CALN1: variants seen among roughly 807,000 people sequenced by gnomAD.
CALN1 encodes the protein calcium-binding protein 8.
In CALN1, 17 loss-of-function variants were observed where a neutral mutation model predicts 30.6. The ratio of observed to expected loss-of-function variants is 0.56; its 90% confidence interval spans 0.38 to 0.83. The LOEUF is 0.83. Among genes scored for constraint, CALN1 ranks in the 40% least tolerant of loss-of-function variants. The pLI is 0.00. For missense variants in CALN1, 291 were observed against 354.9 expected, an observed-to-expected ratio of 0.82 and a Z score of 1.45; for synonymous variants, 156 against 131.4, an observed-to-expected ratio of 1.19 and a Z score of -1.28.
At chr7:71,881,529 G>A (rs1408614751) in intron 5 of CALN1, among the ~76,000 whole-genome samples, 1 of 152,022 alleles carries the variant, frequency 6.6e-6, no homozygotes, top group Non-Finnish European at 1.5e-5. Context: ...CCCTCTTTGG[G>A]TTATCTTCTA....
chr7:72,024,849 C>T (rs959678225), intron 4 of CALN1, among the ~76,000 whole-genome samples: 1 of 152,190 alleles, frequency 6.6e-6, no homozygotes, highest in African/African-American at 2.4e-5. Flanking sequence ...TCCCTCTGTC[C>T]GGGATGCCTT....
At chr7:72,330,282 G>C (rs1218763795) in intron 2 of CALN1, among the ~76,000 whole-genome samples, 2 of 151,984 alleles carry the variant, frequency 1.3e-5, no homozygotes, top group African/African-American at 4.8e-5. Flanking sequence ...GACACAGTGA[G>C]ACTCCATCTC....
intron 2 of CALN1, among the ~76,000 whole-genome samples, chr7:72,322,125 A>G (rs935340336): frequency 6.6e-6 from 1 of 152,136 alleles, no homozygotes; most frequent in Non-Finnish European, 1.5e-5. Flanking sequence ...ATGTAGAATC[A>G]GTGGGAGCCC....
At chr7:72,363,057 G>T (rs1261802458) in intron 2 of CALN1, among the ~76,000 whole-genome samples, 1 of 152,100 alleles carries the variant, frequency 6.6e-6, no homozygotes, top group Admixed American at 6.6e-5. Flanking sequence ...AGTTCAGGGG[G>T]TACATGTGAA....
chr7:72,152,246 T>C (rs569213182), intron 3 of CALN1, among the ~76,000 whole-genome samples: 5 of 152,240 alleles, frequency 3.3e-5, no homozygotes, highest in South Asian at 2.1e-4. Flanking sequence ...AGAGATTTCA[T>C]AGGTCTCTGC....
At chr7:72,069,771 A>C (rs1804264919) in intron 4 of CALN1, among the ~76,000 whole-genome samples, 1 of 152,190 alleles carries the variant, frequency 6.6e-6, no homozygotes, top group African/African-American at 2.4e-5. Context: ...GCCATTTTTC[A>C]GCCTACCATA....
chr7:72,078,677 A>G (rs1185545460), intron 4 of CALN1, among the ~76,000 whole-genome samples: 2 of 152,118 alleles, frequency 1.3e-5, no homozygotes, highest in African/African-American at 4.8e-5. Flanking sequence ...TTGTGCCTGT[A>G]ATCTCTGCAC....
chr7:72,238,823 T>C (rs1315512041), intron 3 of CALN1, among the ~76,000 whole-genome samples: 1 of 152,202 alleles, frequency 6.6e-6, no homozygotes, highest in African/African-American at 2.4e-5. Flanking sequence ...CTCTTTCCTT[T>C]GTAAATTACC....
chr7:71,957,728 A>C (rs1797032343), intron 5 of CALN1, among the ~76,000 whole-genome samples: 1 of 152,086 alleles, frequency 6.6e-6, no homozygotes, highest in Non-Finnish European at 1.5e-5. Flanking sequence ...TTAAGACTGA[A>C]AAATTTAGGC....
intron 5 of CALN1, among the ~76,000 whole-genome samples, chr7:71,817,810 G>A (rs1429500212): frequency 2.6e-5 from 4 of 152,020 alleles, no homozygotes; most frequent in South Asian, 4.2e-4. Context: ...CACTGCACCC[G>A]GCCATATTTA....
chr7:72,233,260 C>T (rs1356045750), intron 3 of CALN1, among the ~76,000 whole-genome samples: 1 of 149,634 alleles, frequency 6.7e-6, no homozygotes, highest in Non-Finnish European at 1.5e-5. Flanking sequence ...AAAGGACCCA[C>T]TGCAGGGTTG....
At chr7:72,313,491 A>G (rs541706346) in intron 2 of CALN1, among the ~76,000 whole-genome samples, 1 of 152,068 alleles carries the variant, frequency 6.6e-6, no homozygotes, top group Non-Finnish European at 1.5e-5. Flanking sequence ...TCCAGGGCTC[A>G]AGCGACAGCT....
At chr7:71,996,089 G>T (rs191486709) in intron 5 of CALN1, among the ~76,000 whole-genome samples, 3 of 152,076 alleles carry the variant, frequency 2.0e-5, no homozygotes, top group Non-Finnish European at 4.4e-5. Flanking sequence ...CACCATAAAG[G>T]CACTGCAAAC....
At chr7:72,129,879 C>G (rs1809018906) in intron 3 of CALN1, among the ~76,000 whole-genome samples, 1 of 152,158 alleles carries the variant, frequency 6.6e-6, no homozygotes, top group Non-Finnish European at 1.5e-5. Flanking sequence ...CTCCTCCAAA[C>G]CTCATGTTGA....
At chr7:72,408,492 G>A (rs576017583) in intron 1 of CALN1, among the ~76,000 whole-genome samples, 12 of 151,888 alleles carry the variant, frequency 7.9e-5, no homozygotes, top group South Asian at 2.1e-4. Context: ...CTCTCTAGAC[G>A]TGAAGGTCAG....
At chr7:72,244,236 T>C (rs920777700) in intron 3 of CALN1, among the ~76,000 whole-genome samples, 2 of 152,232 alleles carry the variant, frequency 1.3e-5, no homozygotes, top group South Asian at 4.1e-4. Flanking sequence ...GCCTGGCATA[T>C]AGCAGATGTT....
chr7:72,188,055 A>C (rs921288858), intron 3 of CALN1, among the ~76,000 whole-genome samples: 4 of 152,140 alleles, frequency 2.6e-5, no homozygotes, highest in Non-Finnish European at 5.9e-5. Flanking sequence ...ACTATGGAAA[A>C]CAGTGTGGAG....
At chr7:72,238,423 A>T (rs905311145) in intron 3 of CALN1, among the ~76,000 whole-genome samples, 10 of 152,258 alleles carry the variant, frequency 6.6e-5, no homozygotes, top group African/African-American at 2.4e-4. Flanking sequence ...AGTATAATTT[A>T]TTATTTAATG....
intron 2 of CALN1, among the ~76,000 whole-genome samples, chr7:72,330,154 G>A (rs368982349): frequency 2.1e-4 from 32 of 152,002 alleles, no homozygotes; most frequent in South Asian, 1.9e-3. Flanking sequence ...TTATCTGGGC[G>A]TGGTGGCGGG....
Sources: allele counts gnomAD v4.1 joint callset (sites outside exome capture counted in the v4.1 genomes callset), GRCh38; gene constraint gnomAD v4.1.1; transcripts MANE v1.5; gene names NCBI Gene and HGNC (gene_info 2026-07-23, HGNC 2026-07-21).